SCHIP1: variants seen among roughly 807,000 people sequenced by gnomAD.
SCHIP1 encodes schwannomin-interacting protein 1.
In SCHIP1, 8 loss-of-function variants were observed where a neutral mutation model predicts 29.7. The observed-to-expected ratio is 0.27, with a 90% CI of 0.16 to 0.49. The LOEUF is 0.49. Among genes scored for constraint, SCHIP1 ranks in the 20% least tolerant of loss-of-function variants. The pLI, the probability that SCHIP1 is intolerant of heterozygous loss-of-function variation, is 0.99. For missense variants in SCHIP1, 193 were observed against 294.6 expected (o/e 0.66, Z 2.52); for synonymous variants, 76 against 94.9 (o/e 0.80, Z 1.16).
chr3:159,738,283 A>G, the SCHIP1 span, among the ~76,000 whole-genome samples: 5 of 151,890 alleles, frequency 3.3e-5, no homozygotes, highest in African/African-American at 1.2e-4. Context: ...TGCAACTGGT[A>G]TATAGATAGT....
At chr3:159,665,057 G>C in the SCHIP1 span, among the ~76,000 whole-genome samples, 50 of 152,238 alleles carry the variant, frequency 3.3e-4, no homozygotes, top group Non-Finnish European at 5.7e-4. Flanking sequence ...CAATCACCGG[G>C]GGGACTTTGA....
chr3:159,527,791 A>G, the SCHIP1 span, among the ~76,000 whole-genome samples: 4 of 152,320 alleles, frequency 2.6e-5, no homozygotes, highest in Admixed American at 6.5e-5. Flanking sequence ...GTGATGTCCA[A>G]TGTGATTAAT....
chr3:159,890,769 AT>A (rs376138066), intron 5 of SCHIP1, among the ~76,000 whole-genome samples: 70 of 147,366 alleles, frequency 4.8e-4, no homozygotes, highest in Admixed American at 9.4e-4. Flanking sequence ...TCTTTGTGTG[AT>A]TTTTTTTTTT....
the SCHIP1 span, among the ~76,000 whole-genome samples, chr3:159,687,604 G>A: frequency 6.6e-6 from 1 of 151,694 alleles, no homozygotes; most frequent in Non-Finnish European, 1.5e-5. Flanking sequence ...TCTCTTTTTT[G>A]TCTATTTTTT....
the SCHIP1 span, among the ~76,000 whole-genome samples, chr3:159,323,604 T>C: frequency 7.2e-5 from 11 of 152,254 alleles, no homozygotes; most frequent in Non-Finnish European, 1.0e-4. Context: ...TTTTACTCTA[T>C]TAAGCAATGC....
the SCHIP1 span, among the ~76,000 whole-genome samples, chr3:159,420,665 T>C: frequency 1.3e-5 from 2 of 152,346 alleles, no homozygotes; most frequent in African/African-American, 2.4e-5. Context: ...TCCTGCTATC[T>C]GATTATTACT....
At chr3:159,505,033 T>C in the SCHIP1 span, among the ~76,000 whole-genome samples, 1 of 152,206 alleles carries the variant, frequency 6.6e-6, no homozygotes, top group African/African-American at 2.4e-5. Context: ...GTGGAGGGAA[T>C]AGCATCTGCA....
At chr3:159,439,984 T>C in the SCHIP1 span, among the ~76,000 whole-genome samples, 2 of 152,208 alleles carry the variant, frequency 1.3e-5, no homozygotes, top group Admixed American at 1.3e-4. Context: ...CCCATGCCTA[T>C]ATCCTGAATG....
chr3:159,399,975 T>TA, the SCHIP1 span, among the ~76,000 whole-genome samples: 1 of 152,134 alleles, frequency 6.6e-6, no homozygotes, highest in Non-Finnish European at 1.5e-5. Context: ...GGGCATATTT[T>TA]AAAAATGCAG....
chr3:159,373,851 T>C, the SCHIP1 span, among the ~76,000 whole-genome samples: 2 of 152,314 alleles, frequency 1.3e-5, no homozygotes, highest in Non-Finnish European at 2.9e-5. Context: ...GTTGACTTCA[T>C]AACTTGGCTA....
At chr3:159,804,664 C>T in the SCHIP1 span, among the ~76,000 whole-genome samples, 1 of 152,360 alleles carries the variant, frequency 6.6e-6, no homozygotes, top group South Asian at 2.1e-4. Context: ...TCGGTGTATA[C>T]TTGAGATGCC....
chr3:159,823,635 G>T, the SCHIP1 span, among the ~76,000 whole-genome samples: 4 of 152,078 alleles, frequency 2.6e-5, no homozygotes, highest in Non-Finnish European at 5.9e-5. Context: ...CTTTCCATTG[G>T]TATTTGCATG....
the SCHIP1 span, among the ~76,000 whole-genome samples, chr3:159,682,301 A>G: frequency 6.6e-6 from 1 of 152,126 alleles, no homozygotes; most frequent in South Asian, 2.1e-4. Context: ...TCTAAAGGAG[A>G]CAACTGTTGA....
intron 2 of SCHIP1, among the ~76,000 whole-genome samples, chr3:159,879,776 C>G (rs1249838705): frequency 6.6e-6 from 1 of 152,156 alleles, no homozygotes; most frequent in Non-Finnish European, 1.5e-5. Context: ...TTAGAACCAA[C>G]AGCCGTCTGA....
chr3:159,593,579 G>A, the SCHIP1 span, among the ~76,000 whole-genome samples: 1 of 152,134 alleles, frequency 6.6e-6, no homozygotes, highest in East Asian at 1.9e-4. Context: ...GTGGAGTGAT[G>A]AGAAGTCCTC....
the SCHIP1 span, among the ~76,000 whole-genome samples, chr3:159,594,787 T>G: frequency 1.3e-5 from 2 of 152,136 alleles, no homozygotes; most frequent in African/African-American, 4.8e-5. Flanking sequence ...AATACACAAA[T>G]TGTTCAGTCT....
upstream of SCHIP1, among the ~76,000 whole-genome samples, chr3:159,838,840 G>C (rs1743926060): frequency 6.7e-6 from 1 of 149,270 alleles, no homozygotes; most frequent in African/African-American, 2.5e-5. Flanking sequence ...CTTGCAGTGA[G>C]CTCAGATCTC....
the SCHIP1 span, among the ~76,000 whole-genome samples, chr3:159,775,050 C>A: frequency 6.6e-6 from 1 of 151,974 alleles, no homozygotes; most frequent in Admixed American, 6.5e-5. Flanking sequence ...GCATAGTAGA[C>A]CCAAACAAAA....
the SCHIP1 span, among the ~76,000 whole-genome samples, chr3:159,417,051 A>G: frequency 1.3e-5 from 2 of 152,218 alleles, no homozygotes; most frequent in East Asian, 3.8e-4. Flanking sequence ...GCTGAAAATG[A>G]ACAGAGGTTG....
Sources: allele counts gnomAD v4.1 joint callset (sites outside exome capture counted in the v4.1 genomes callset), GRCh38; gene constraint gnomAD v4.1.1; transcripts MANE v1.5; gene names NCBI Gene and HGNC (gene_info 2026-07-23, HGNC 2026-07-21).